Variants in CNTNAP4 observed in about 807,000 individuals in gnomAD.
CNTNAP4 encodes contactin associated protein family member 4.
A neutral mutation model predicts 148.4 loss-of-function variants in CNTNAP4; 98 were observed. The ratio of observed to expected loss-of-function variants is 0.66; its 90% confidence interval spans 0.56 to 0.78. The LOEUF (loss-of-function observed/expected upper bound fraction) is 0.78, where lower values mean the gene tolerates loss of function less well. Among genes scored for constraint, CNTNAP4 ranks in the 30% least tolerant of loss-of-function variants. The pLI, the probability that CNTNAP4 is intolerant of heterozygous loss-of-function variation, is 0.00. For missense variants in CNTNAP4, 1,935 were observed against 1,565.6 expected (o/e 1.24, Z -3.98); for synonymous variants, 730 against 565.1 (o/e 1.29, Z -4.14).
intron 2 of CNTNAP4, among the ~76,000 whole-genome samples, chr16:76,341,731 C>G (rs188033926): frequency 6.6e-6 from 1 of 151,708 alleles, no homozygotes; most frequent in Non-Finnish European, 1.5e-5. Context: ...ATTTAGTCTT[C>G]AGCATCCAAA....
intron 14 of CNTNAP4, among the ~76,000 whole-genome samples, chr16:76,497,327 CAT>C (rs1229253068): frequency 2.6e-5 from 4 of 152,192 alleles, no homozygotes; most frequent in East Asian, 1.9e-4. Context: ...TGTTAAAAAA[CAT>C]AATGTCTAAA....
chr16:76,365,529 T>C (rs1450090457), intron 3 of CNTNAP4, among the ~76,000 whole-genome samples: 1 of 152,080 alleles, frequency 6.6e-6, no homozygotes, highest in Non-Finnish European at 1.5e-5. Flanking sequence ...GGCGGGTGGA[T>C]CACGTGAGAT....
intron 15 of CNTNAP4, among the ~76,000 whole-genome samples, 161 bp from the exon 16 acceptor site, chr16:76,520,979 C>A (rs1027485917): frequency 3.3e-5 from 5 of 151,984 alleles, no homozygotes; most frequent in African/African-American, 1.2e-4. Context: ...ATACTCATAT[C>A]TTGTATACTA....
At chr16:76,385,800 T>A (rs2016461940) in intron 3 of CNTNAP4, among the ~76,000 whole-genome samples, 1 of 152,132 alleles carries the variant, frequency 6.6e-6, no homozygotes, top group African/African-American at 2.4e-5. Context: ...ATTGAGCTCA[T>A]GGCCAACAGC....
intron 14 of CNTNAP4, among the ~76,000 whole-genome samples, chr16:76,496,318 T>C (rs2082402176): frequency 6.6e-6 from 1 of 152,038 alleles, no homozygotes; most frequent in Non-Finnish European, 1.5e-5. Context: ...TTAGCAACAA[T>C]AAAAATTACC....
chr16:76,404,050 G>A (rs1245198734), intron 3 of CNTNAP4, among the ~76,000 whole-genome samples: 3 of 152,114 alleles, frequency 2.0e-5, no homozygotes, highest in African/African-American at 7.2e-5. Context: ...CTTGAGAGTG[G>A]AGGGTGGGAA....
intron 2 of CNTNAP4, among the ~76,000 whole-genome samples, chr16:76,330,925 C>T (rs931449061): frequency 5.3e-5 from 8 of 152,140 alleles, no homozygotes; most frequent in Non-Finnish European, 1.2e-4. Flanking sequence ...TTAAAAGCAT[C>T]TAAATAGTGC....
chr16:76,387,835 G>A (rs991744804), intron 3 of CNTNAP4, among the ~76,000 whole-genome samples: 1 of 152,178 alleles, frequency 6.6e-6, no homozygotes, highest in African/African-American at 2.4e-5. Flanking sequence ...TATATAGGCT[G>A]TGCTCAATAA....
intron 15 of CNTNAP4, among the ~76,000 whole-genome samples, chr16:76,505,004 G>A (rs2082790329): frequency 6.6e-6 from 1 of 152,086 alleles, no homozygotes; most frequent in Non-Finnish European, 1.5e-5. Flanking sequence ...TAGAACTCTG[G>A]TACATTGCAC....
intron 2 of CNTNAP4, among the ~76,000 whole-genome samples, chr16:76,321,706 A>G (rs889158681): frequency 3.3e-5 from 5 of 150,256 alleles, no homozygotes; most frequent in African/African-American, 1.2e-4. Context: ...GGAGAATGGC[A>G]TGAACCCGGG....
chr16:76,491,350 CATAG>C (rs1194548887), intron 13 of CNTNAP4, among the ~76,000 whole-genome samples: 1 of 152,178 alleles, frequency 6.6e-6, no homozygotes, highest in Non-Finnish European at 1.5e-5. Flanking sequence ...GCATCTAGAA[CATAG>C]ATAGATGAAA....
intron 8 of CNTNAP4, among the ~76,000 whole-genome samples, chr16:76,455,614 C>G (rs34251805): frequency 0.34 from 52,416 of 152,094 alleles, 10,035 homozygotes; most frequent in Non-Finnish European, 0.42. Context: ...TTGACAAGAG[C>G]TATCTGGTAA....
chr16:76,412,224 G>A (rs4555175), intron 3 of CNTNAP4, among the ~76,000 whole-genome samples: 3 of 150,884 alleles, frequency 2.0e-5, no homozygotes, highest in African/African-American at 4.8e-5. Context: ...TAAAAATATA[G>A]CAGTATTTAA....
intron 2 of CNTNAP4, among the ~76,000 whole-genome samples, chr16:76,331,250 C>T (rs1425595346): frequency 6.6e-6 from 1 of 151,746 alleles, no homozygotes; most frequent in African/African-American, 2.4e-5. Context: ...TGCAGTGGCG[C>T]GATCTCGGCT....
chr16:76,301,293 G>T (rs933384055), intron 1 of CNTNAP4, among the ~76,000 whole-genome samples: 6 of 152,114 alleles, frequency 3.9e-5, no homozygotes, highest in East Asian at 1.9e-4. Flanking sequence ...AGCTCCAAGG[G>T]TTACTTTCAA....
chr16:76,328,342 G>A (rs950969785), intron 2 of CNTNAP4, among the ~76,000 whole-genome samples: 4 of 152,108 alleles, frequency 2.6e-5, no homozygotes. Flanking sequence ...CTGAAGTATA[G>A]AATCTTCTAC....
intron 10 of CNTNAP4, 55 bp downstream of exon 10, chr16:76,467,578 A>C: frequency 7.3e-7 from 1 of 1,379,070 alleles, no homozygotes; most frequent in Non-Finnish European, 9.9e-7. Context: ...CATCAGATTA[A>C]AATTTATGTA....
rs1272728630 is a variant in CNTNAP4, at chr16:76,298,521, TGTGTGTGTGA to T, written c.86-17890_86-17881del. 8.5e-4 allele frequency among the ~76,000 whole-genome samples: 118 copies of T among 138,584 alleles called. 1 individual carries two copies. The highest frequency in any genetic ancestry group is 3.8e-3 in the Admixed American group (45 of 11,842). 90.9% of individuals were successfully genotyped at this position (138,584 alleles called of 152,430 possible). A position where few individuals can be genotyped will look rare whatever the true frequency, so the allele number is the denominator to read the frequency against. On this transcript the variant is annotated intron_variant, in intron 1 of 23. Transcript: ENST00000611870. ...GTGTGTGTGTGTGTGTGTGTGTGTGTGTGTGTGTGAGGTAAGGGGCTGTGCTGAGAAGCAG... is the reference window on the plus strand; with the variant it reads ...GTGTGTGTGTGTGTGTGTGTGTGTGTGGTAAGGGGCTGTGCTGAGAAGCAG...
At chr16:76,406,549 G>A (rs570643641) in intron 3 of CNTNAP4, among the ~76,000 whole-genome samples, 2 of 152,054 alleles carry the variant, frequency 1.3e-5, no homozygotes, top group African/African-American at 4.8e-5. Context: ...TAGGCTTCTT[G>A]CAGCAAACAT....
Sources: allele counts gnomAD v4.1 joint callset (sites outside exome capture counted in the v4.1 genomes callset), GRCh38; gene constraint gnomAD v4.1.1; transcripts MANE v1.5; gene names NCBI Gene and HGNC (gene_info 2026-07-23, HGNC 2026-07-21).